The following CFAP95 variants were observed in gnomAD, a reference collection of about 807,000 sequenced individuals.
The protein encoded by CFAP95 is cilia- and flagella-associated protein 95.
At chr9:69,840,322 T>G in the CFAP95 span, among the ~76,000 whole-genome samples, 8 of 152,210 alleles carry the variant, frequency 5.3e-5, no homozygotes, top group African/African-American at 1.9e-4. Flanking sequence ...TTTTTATATA[T>G]GTATATATTA....
At chr9:69,837,427 C>G in the CFAP95 span, among the ~76,000 whole-genome samples, 96 of 152,120 alleles carry the variant, frequency 6.3e-4, no homozygotes, top group African/African-American at 2.2e-3. Flanking sequence ...GCCATTCTAA[C>G]TGGTGTGAGA....
At chr9:69,855,443 A>T in the CFAP95 span, among the ~76,000 whole-genome samples, 2 of 152,208 alleles carry the variant, frequency 1.3e-5, no homozygotes, top group African/African-American at 4.8e-5. Context: ...ATTTTTTCTC[A>T]AAAGATTTTT....
chr9:69,858,337 G>A, the CFAP95 span, among the ~76,000 whole-genome samples: 1 of 152,188 alleles, frequency 6.6e-6, no homozygotes, highest in Non-Finnish European at 1.5e-5. Context: ...CCCAACTGAG[G>A]TCGAACAGGG....
the CFAP95 span, among the ~76,000 whole-genome samples, chr9:69,875,513 G>A: frequency 1.3e-5 from 2 of 152,004 alleles, no homozygotes; most frequent in African/African-American, 4.8e-5. Flanking sequence ...GAGGCAAAAG[G>A]GCTCAATTAG....
At chr9:69,861,730 C>CAAAAAAAAA in the CFAP95 span, among the ~76,000 whole-genome samples, 1 of 86,842 alleles carries the variant, frequency 1.2e-5, no homozygotes, top group African/African-American at 4.5e-5. Context: ...TCTTATGAGT[C>CAAAAAAAAA]AAAAAAAAAA....
At chr9:69,854,429 G>A in the CFAP95 span, among the ~76,000 whole-genome samples, 981 of 152,280 alleles carry the variant, frequency 6.4e-3, 10 homozygotes, top group African/African-American at 0.022. Context: ...TATGATGCCT[G>A]GCACTTAATA....
chr9:69,873,911 T>A, the CFAP95 span, among the ~76,000 whole-genome samples: 2 of 152,362 alleles, frequency 1.3e-5, no homozygotes, highest in East Asian at 3.9e-4. Flanking sequence ...TTTTAACTCA[T>A]ACCATGAATT....
At chr9:69,865,369 G>A in the CFAP95 span, among the ~76,000 whole-genome samples, 1 of 152,192 alleles carries the variant, frequency 6.6e-6, no homozygotes, top group African/African-American at 2.4e-5. Flanking sequence ...GGAAAGTGGG[G>A]TGATGAAAGG....
At chr9:69,841,760 T>A in the CFAP95 span, among the ~76,000 whole-genome samples, 2 of 152,186 alleles carry the variant, frequency 1.3e-5, no homozygotes, top group East Asian at 3.8e-4. Flanking sequence ...AAGTCATGTC[T>A]TACATGGCAG....
At chr9:69,837,310 A>T in the CFAP95 span, among the ~76,000 whole-genome samples, 1 of 152,086 alleles carries the variant, frequency 6.6e-6, no homozygotes, top group Non-Finnish European at 1.5e-5. Flanking sequence ...CGCCACACTG[A>T]CTTCCACAAT....
chr9:69,824,091 A>G, the CFAP95 span, among the ~76,000 whole-genome samples: 25 of 152,330 alleles, frequency 1.6e-4, no homozygotes, highest in Non-Finnish European at 7.3e-5. Context: ...TAGGGCAGAA[A>G]AGGAGAATAA....
At chr9:69,875,307 C>T in the CFAP95 span, among the ~76,000 whole-genome samples, 2 of 151,946 alleles carry the variant, frequency 1.3e-5, no homozygotes, top group Non-Finnish European at 2.9e-5. Context: ...TAAAAGTTTC[C>T]ATTTTGTTCC....
chr9:69,886,609 A>G, the CFAP95 span, among the ~76,000 whole-genome samples: 1 of 152,176 alleles, frequency 6.6e-6, no homozygotes, highest in Non-Finnish European at 1.5e-5. Flanking sequence ...GGGGTCTTGG[A>G]ACATATTCTC....
chr9:69,901,418 T>C, the CFAP95 span, among the ~76,000 whole-genome samples: 2 of 152,202 alleles, frequency 1.3e-5, no homozygotes, highest in African/African-American at 4.8e-5. Flanking sequence ...ATTACAGGCG[T>C]GAGCCACCGC....
the CFAP95 span, among the ~76,000 whole-genome samples, chr9:69,896,296 C>T: frequency 5.3e-5 from 8 of 152,160 alleles, no homozygotes; most frequent in African/African-American, 1.9e-4. Context: ...ACAAATATAT[C>T]AACAGCTAAT....
At chr9:69,832,224 A>G in the CFAP95 span, among the ~76,000 whole-genome samples, 1 of 152,192 alleles carries the variant, frequency 6.6e-6, no homozygotes, top group Admixed American at 6.5e-5. Context: ...AGAGGTTAGG[A>G]TATTGTGATA....
chr9:69,860,604 C>CT, the CFAP95 span, among the ~76,000 whole-genome samples: 64 of 144,542 alleles, frequency 4.4e-4, no homozygotes, highest in Middle Eastern at 3.5e-3. Flanking sequence ...TATACCTTTT[C>CT]TTTTTTTTTT....
the CFAP95 span, among the ~76,000 whole-genome samples, chr9:69,843,004 C>A: frequency 6.6e-6 from 1 of 152,114 alleles, no homozygotes; most frequent in Non-Finnish European, 1.5e-5. Context: ...AAAGAGGATG[C>A]CCTTTGGATT....
At chr9:69,865,284 G>A in the CFAP95 span, among the ~76,000 whole-genome samples, 4 of 152,026 alleles carry the variant, frequency 2.6e-5, no homozygotes, top group African/African-American at 7.3e-5. Flanking sequence ...ACCCATTCTC[G>A]GACAGTTCTT....
Sources: allele counts gnomAD v4.1 joint callset (sites outside exome capture counted in the v4.1 genomes callset), GRCh38; gene constraint gnomAD v4.1.1; transcripts MANE v1.5; gene names NCBI Gene and HGNC (gene_info 2026-07-23, HGNC 2026-07-21).